Variants in TAFA1 observed in about 807,000 individuals in gnomAD.
TAFA1 encodes TAFA chemokine like family member 1, also known as chemokine-like protein TAFA-1.
Under a neutral mutation model 18.5 loss-of-function variants are expected in TAFA1, and 4 were observed. That is an observed-to-expected ratio of 0.22 (90% CI 0.11 to 0.49). The LOEUF (loss-of-function observed/expected upper bound fraction) is 0.49. TAFA1 is among the 20% of genes least tolerant of loss of function. The pLI is 0.98. For missense variants in TAFA1, 147 were observed against 169.0 expected (o/e 0.87, Z 0.72); for synonymous variants, 56 against 55.2 (o/e 1.01, Z -0.06).
intron 3 of TAFA1, among the ~76,000 whole-genome samples, chr3:68,455,809 G>A (rs2106908112): frequency 6.6e-6 from 1 of 152,244 alleles, no homozygotes; most frequent in South Asian, 2.1e-4. Context: ...AGCTTTTTCT[G>A]TAACACCAAT....
chr3:68,256,461 T>G (rs2067299083), intron 2 of TAFA1, among the ~76,000 whole-genome samples: 1 of 152,102 alleles, frequency 6.6e-6, no homozygotes, highest in South Asian at 2.1e-4. Flanking sequence ...GGGATAATAA[T>G]AGTACCTATC....
chr3:68,018,865 C>T (rs1468783914), intron 2 of TAFA1, among the ~76,000 whole-genome samples: 5 of 152,124 alleles, frequency 3.3e-5, no homozygotes, highest in Admixed American at 6.6e-5. Context: ...AATAATGGCT[C>T]GGTTTACTGA....
chr3:68,138,928 A>C (rs148188580), intron 2 of TAFA1, among the ~76,000 whole-genome samples: 97 of 152,300 alleles, frequency 6.4e-4, no homozygotes, highest in African/African-American at 2.2e-3. Flanking sequence ...GGAGTAGTGA[A>C]ACTGAGGCTC....
intron 2 of TAFA1, among the ~76,000 whole-genome samples, chr3:68,380,195 CT>C (rs1383129004): frequency 6.6e-6 from 1 of 152,146 alleles, no homozygotes; most frequent in Non-Finnish European, 1.5e-5. Context: ...GGTTCCAAGA[CT>C]TTGCTATTGT....
chr3:68,054,970 T>G (rs369862337), intron 2 of TAFA1, among the ~76,000 whole-genome samples: 4 of 152,278 alleles, frequency 2.6e-5, no homozygotes, highest in African/African-American at 9.6e-5. Flanking sequence ...TGCTCTGAAG[T>G]TTTTATAATG....
At chr3:68,239,261 T>C (rs2066968298) in intron 2 of TAFA1, among the ~76,000 whole-genome samples, 1 of 152,170 alleles carries the variant, frequency 6.6e-6, no homozygotes, top group African/African-American at 2.4e-5. Flanking sequence ...AAGTAAGAAC[T>C]AACAATTATG....
At chr3:68,299,838 G>A (rs1018595162) in intron 2 of TAFA1, among the ~76,000 whole-genome samples, 4 of 152,206 alleles carry the variant, frequency 2.6e-5, no homozygotes, top group Non-Finnish European at 5.9e-5. Flanking sequence ...CACAAGCCTT[G>A]GTGGCTTATT....
At chr3:68,066,794 C>A (rs773827169) in intron 2 of TAFA1, among the ~76,000 whole-genome samples, 2 of 152,078 alleles carry the variant, frequency 1.3e-5, no homozygotes, top group Admixed American at 1.3e-4. Flanking sequence ...TAACCTGGGA[C>A]TAAGATCTGC....
intron 3 of TAFA1, among the ~76,000 whole-genome samples, chr3:68,422,798 C>T (rs1036648944): frequency 2.0e-5 from 3 of 151,986 alleles, no homozygotes; most frequent in Non-Finnish European, 2.9e-5. Flanking sequence ...GAACCTGTGC[C>T]TAGCACTATT....
At chr3:68,039,022 G>A (rs973376322) in intron 2 of TAFA1, among the ~76,000 whole-genome samples, 1 of 152,086 alleles carries the variant, frequency 6.6e-6, no homozygotes, top group African/African-American at 2.4e-5. Flanking sequence ...TCCTTCTCTA[G>A]TACACTATAA....
intron 2 of TAFA1, among the ~76,000 whole-genome samples, chr3:68,170,447 G>A (rs1478805853): frequency 6.6e-6 from 1 of 152,156 alleles, no homozygotes; most frequent in Non-Finnish European, 1.5e-5. Context: ...GCAGCTTTCT[G>A]AGGCAGCTGT....
intron 2 of TAFA1, among the ~76,000 whole-genome samples, chr3:68,022,732 T>C (rs1193708067): frequency 3.3e-5 from 5 of 149,666 alleles, no homozygotes; most frequent in South Asian, 2.1e-4. Flanking sequence ...TGTAAATGCA[T>C]TGAGGGTAGG....
intron 2 of TAFA1, among the ~76,000 whole-genome samples, chr3:68,344,604 A>G (rs932295299): frequency 6.6e-6 from 1 of 152,184 alleles, no homozygotes; most frequent in African/African-American, 2.4e-5. Context: ...CTGACTATCA[A>G]GTAACCTCGA....
rs1302621350 is a variant in TAFA1, at chr3:68,544,943, C to T, written c.*440C>T. 1 of 152,046 alleles carries T rather than the reference C, an allele frequency of 6.6e-6. No homozygotes were observed. The highest frequency in any genetic ancestry group is 2.4e-5 in the African/African-American group (1 of 41,358). 9.4% of individuals were successfully genotyped at this position (152,046 alleles called of 1,614,324 possible). On this transcript the variant is annotated 3_prime_UTR_variant, in exon 5 of 5. Coordinates refer to ENST00000478136, the MANE Select transcript of TAFA1 (RefSeq NM_213609.4). ...GTCTGTTTTGCTTTGTTTTGTTAGT[C>T]ATTTCTTTTTCTAACGGCAAGGAAG...
intron 3 of TAFA1, among the ~76,000 whole-genome samples, chr3:68,419,351 A>C (rs2070912280): frequency 6.6e-6 from 1 of 152,162 alleles, no homozygotes; most frequent in Admixed American, 6.5e-5. Context: ...ACATGTAGAA[A>C]CCGAGGCTTG....
intron 2 of TAFA1, among the ~76,000 whole-genome samples, chr3:68,070,330 G>A (rs1399767640): frequency 1.3e-5 from 2 of 152,204 alleles, no homozygotes; most frequent in Non-Finnish European, 2.9e-5. Context: ...GCCACAGCCC[G>A]AGCTATACCT....
chr3:68,415,311 C>T (rs563623124), intron 2 of TAFA1, among the ~76,000 whole-genome samples: 30 of 152,288 alleles, frequency 2.0e-4, no homozygotes, highest in Non-Finnish European at 3.8e-4. Flanking sequence ...CAAGTGACAA[C>T]CTTGACCCCA....
At chr3:68,020,141 C>A (rs750113747) in intron 2 of TAFA1, among the ~76,000 whole-genome samples, 2 of 151,928 alleles carry the variant, frequency 1.3e-5, no homozygotes, top group Admixed American at 6.6e-5. Context: ...ATAGGCTGTT[C>A]TTTTATGCAA....
intron 3 of TAFA1, among the ~76,000 whole-genome samples, chr3:68,522,599 A>G (rs2073045356): frequency 6.6e-6 from 1 of 152,264 alleles, no homozygotes; most frequent in African/African-American, 2.4e-5. Flanking sequence ...CTATAATCCC[A>G]GCACTTTGGG....
Sources: allele counts gnomAD v4.1 joint callset (sites outside exome capture counted in the v4.1 genomes callset), GRCh38; gene constraint gnomAD v4.1.1; transcripts MANE v1.5; gene names NCBI Gene and HGNC (gene_info 2026-07-23, HGNC 2026-07-21).